Variants in NCBP1 observed in about 807,000 individuals in gnomAD.
NCBP1 encodes nuclear cap binding protein subunit 1.
In NCBP1, 16 loss-of-function variants were observed where a neutral mutation model predicts 111.7. The observed-to-expected ratio is 0.14, with a 90% confidence interval of 0.10 to 0.22. The LOEUF is 0.22. Among genes scored for constraint, NCBP1 ranks in the 10% least tolerant of loss-of-function variants. The pLI is 1.00. For missense variants in NCBP1, 607 were observed against 957.5 expected (o/e 0.63, Z 4.83); for synonymous variants, 304 against 314.3 (o/e 0.97, Z 0.35).
chr9:97,657,146 T>G (rs1827682043), intron 14 of NCBP1, among the ~76,000 whole-genome samples: 1 of 152,124 alleles, frequency 6.6e-6, no homozygotes, highest in African/African-American at 2.4e-5. Context: ...TTTTGTAGTT[T>G]TAGTAGAGAC....
intron 14 of NCBP1, among the ~76,000 whole-genome samples, chr9:97,657,482 T>C (rs1025917094): frequency 1.3e-5 from 2 of 152,220 alleles, no homozygotes; most frequent in African/African-American, 2.4e-5. Flanking sequence ...GGCACATGAT[T>C]CCCACCACTG....
At chr9:97,653,184 G>A (rs1827547979) in intron 10 of NCBP1, among the ~76,000 whole-genome samples, 1 of 143,400 alleles carries the variant, frequency 7.0e-6, no homozygotes, top group African/African-American at 2.7e-5. Flanking sequence ...ACAGTGACAC[G>A]ACCTCAACTC....
At chr9:97,670,298 T>G (rs943092978) in intron 22 of NCBP1, among the ~76,000 whole-genome samples, 8 of 152,160 alleles carry the variant, frequency 5.3e-5, no homozygotes, top group African/African-American at 1.9e-4. Flanking sequence ...GGACAGTAAT[T>G]GGATTTATAA....
Position 97,658,637 on chromosome 9 carries a change from T to C in NCBP1, c.1374-3T>C, listed in dbSNP as rs1357448452. ...TTTTCTGAGGCTGTTATTTGTATTG[T>C]AGGTTGTCTTACCATCAGCGTATAT... On this transcript the variant is annotated splice_region_variant and splice_polypyrimidine_tract_variant and intron_variant, in intron 14 of 22. Transcript: ENST00000375147. 2 of 1,599,096 alleles carry C rather than the reference T, an allele frequency of 1.3e-6. No homozygotes were observed. The highest frequency in any genetic ancestry group is 1.1e-5 in the South Asian group (1 of 90,730).
At position 97,671,255 on chromosome 9, in the gene NCBP1, T is replaced by A; in HGVS notation, c.*56T>A. ...TTTGATATCTTAAAATAATTTGTCT[T>A]ATTTTTTGATGGTTTGAATGCTTGC... On this transcript the variant is annotated 3_prime_UTR_variant, in exon 23 of 23. Coordinates refer to ENST00000375147, the MANE Select transcript of NCBP1 (RefSeq NM_002486.5). 3 of 1,283,576 alleles carry A rather than the reference T, an allele frequency of 2.3e-6. No individual in the cohort carries two copies. The highest frequency in any genetic ancestry group is 3.3e-6 in the Non-Finnish European group (3 of 900,724). 79.5% of individuals were successfully genotyped at this position (1,283,576 alleles called of 1,614,324 possible).
At chr9:97,650,482 C>T (rs1827469641) in intron 8 of NCBP1, 21 bp from the exon 9 acceptor site, 2 of 1,567,628 alleles carry the variant, frequency 1.3e-6, no homozygotes, top group Non-Finnish European at 1.8e-6. Context: ...CTGTAGTGTA[C>T]ACATTTGGTT....
At chr9:97,650,845 A>G (rs1827479043) in intron 9 of NCBP1, among the ~76,000 whole-genome samples, 1 of 152,140 alleles carries the variant, frequency 6.6e-6, no homozygotes, top group Non-Finnish European at 1.5e-5. Context: ...GATATTTAGT[A>G]TATGCTATGG....
intron 13 of NCBP1, 64 bp downstream of exon 13, chr9:97,655,828 CAT>C: frequency 6.9e-7 from 1 of 1,455,424 alleles, no homozygotes; most frequent in Non-Finnish European, 9.4e-7. Context: ...AAAACTGTAA[CAT>C]AAAAGTGTCT....
At chr9:97,648,791 C>T (rs1319522169) in intron 8 of NCBP1, among the ~76,000 whole-genome samples, 1 of 152,126 alleles carries the variant, frequency 6.6e-6, no homozygotes, top group African/African-American at 2.4e-5. Flanking sequence ...CTCACTGCAA[C>T]CTCTGCCTCC....
At chr9:97,670,980 CTCTTT>C in intron 22 of NCBP1, 101 bp from the exon 23 acceptor site, 2 of 618,478 alleles carry the variant, frequency 3.2e-6, no homozygotes, top group Non-Finnish European at 5.5e-6. Context: ...TTTCCCCTTC[CTCTTT>C]TCATCATTCT....
At chr9:97,662,388 GA>G (rs1225295367) in intron 17 of NCBP1, among the ~76,000 whole-genome samples, 9 of 152,122 alleles carry the variant, frequency 5.9e-5, no homozygotes, top group African/African-American at 2.2e-4. Context: ...AGAAACTAGT[GA>G]AAAACCTAGG....
intron 1 of NCBP1, chr9:97,634,572 C>T (rs1412882518): frequency 6.6e-6 from 1 of 152,200 alleles, no homozygotes; most frequent in African/African-American, 2.4e-5. Context: ...GGGTTCCCAT[C>T]TCCGTTTGGA....
Position 97,669,512 on chromosome 9 carries a change from T to C in NCBP1, c.2146-81T>C, listed in dbSNP as rs979596383. 8.9e-6 allele frequency: 8 copies of C among 897,240 alleles called. No individual in the cohort carries two copies. The African/African-American group carries it at 9.9e-5, about 11-fold the overall frequency. The allele number at this position is 897,240 out of a possible 1,614,324, so 55.6% of individuals were successfully genotyped here. A position where few individuals can be genotyped will look rare whatever the true frequency, so the allele number is the denominator to read the frequency against. On this transcript the variant is annotated intron_variant, in intron 21 of 22. Coordinates refer to ENST00000375147, the MANE Select transcript of NCBP1 (RefSeq NM_002486.5). Reference sequence around the variant, plus strand: ...AGACAGGGTGGAACAGGCAATACTTTGGGGTTTCTTTGTCATGAATTTTTT... The same window carrying C: ...AGACAGGGTGGAACAGGCAATACTTCGGGGTTTCTTTGTCATGAATTTTTT...
intron 19 of NCBP1, among the ~76,000 whole-genome samples, 170 bp from the exon 20 acceptor site, chr9:97,666,593 A>G (rs1402950655): frequency 2.6e-5 from 4 of 152,224 alleles, no homozygotes; most frequent in African/African-American, 2.4e-5. Flanking sequence ...TACTTGCACA[A>G]TTTACAATAA....
chr9:97,657,907 T>C (rs1165524949), intron 14 of NCBP1, among the ~76,000 whole-genome samples: 1 of 104,460 alleles, frequency 9.6e-6, no homozygotes, highest in Non-Finnish European at 1.9e-5. Flanking sequence ...TCTCTCTCTC[T>C]ATATATATAT....
chr9:97,647,183 T>G (rs1331460812), intron 6 of NCBP1, among the ~76,000 whole-genome samples: 1 of 152,164 alleles, frequency 6.6e-6, no homozygotes, highest in Non-Finnish European at 1.5e-5. Context: ...GGATATAAAT[T>G]TTTAGAAATG....
At chr9:97,654,343 A>C (rs1339795179) in intron 11 of NCBP1, among the ~76,000 whole-genome samples, 1 of 152,206 alleles carries the variant, frequency 6.6e-6, no homozygotes, top group Non-Finnish European at 1.5e-5. Flanking sequence ...GTTCACAAGG[A>C]GTTGATTCCA....
At position 97,660,974 on chromosome 9, in the gene NCBP1, C is replaced by G. The variant is rs1827818619; in HGVS notation, c.1506C>G (p.Leu502=). The change falls in exon 16 of 23, where the codon CTC becomes CTG. Residue 502 remains leucine (L), a synonymous_variant. Transcript: ENST00000375147. Reference sequence around the variant, plus strand: ...CTCTTCCTGGACATTCTGTTGCCCTCTGTTTAGCTGTTGCCTTTAAAAGTA... The same window carrying G: ...CTCTTCCTGGACATTCTGTTGCCCTGTGTTTAGCTGTTGCCTTTAAAAGTA... ...SNSLPGHSVA[L]CLAVAFKSKA... is the part of the protein sequence containing the mutation. 1 of 1,612,264 alleles carries G rather than the reference C, an allele frequency of 6.2e-7. No homozygotes were observed. Among genetic ancestry groups the G allele is most frequent in the Admixed American group, 1.7e-5 (1 of 59,942 alleles).
At chr9:97,645,907 G>C (rs1488006307) in intron 6 of NCBP1, among the ~76,000 whole-genome samples, 175 bp downstream of exon 6, 1 of 152,188 alleles carries the variant, frequency 6.6e-6, no homozygotes, top group Non-Finnish European at 1.5e-5. Flanking sequence ...GATATGGTTT[G>C]CTTACTTTTG....
Sources: gnomAD v4.1 joint callset for allele counts (sites outside exome capture counted in the v4.1 genomes callset) on GRCh38, gnomAD v4.1.1 for gene constraint, MANE v1.5 for transcripts, NCBI Gene and HGNC (gene_info 2026-07-23, HGNC 2026-07-21) for gene names.